Variants in VPS45 observed in about 807,000 individuals in gnomAD.
VPS45 encodes vacuolar protein sorting 45 homolog.
Under a neutral mutation model 75.9 loss-of-function variants are expected in VPS45, and 35 were observed. The ratio of observed to expected loss-of-function variants is 0.46; its 90% CI spans 0.35 to 0.61. VPS45 has a LOEUF of 0.61. Among genes scored for constraint, VPS45 ranks in the 20% least tolerant of loss-of-function variants. VPS45 has a pLI of 0.00. For synonymous variants in VPS45, 220 were observed against 238.2 expected (o/e 0.92, Z 0.70); for missense variants, 559 against 685.9 (o/e 0.81, Z 2.07).
At chr1:150,100,933 G>T (rs1656944104) in intron 13 of VPS45, among the ~76,000 whole-genome samples, 1 of 152,050 alleles carries the variant, frequency 6.6e-6, no homozygotes, top group South Asian at 2.1e-4. Context: ...AAGATTTCAT[G>T]ACAAAAAAAC....
At chr1:150,083,945 A>G (rs1655865759) in intron 10 of VPS45, among the ~76,000 whole-genome samples, 2 of 152,142 alleles carry the variant, frequency 1.3e-5, no homozygotes, top group African/African-American at 4.8e-5. Context: ...AAACTAAAGC[A>G]CAAGAAAAAA....
chr1:150,145,192 C>A lies in VPS45; in HGVS notation c.*396C>A, dbSNP rs1010401499. 6.2e-6 allele frequency: 2 copies of A among 320,338 alleles called. No individual in the cohort carries two copies. The highest frequency in any genetic ancestry group is 4.5e-5 in the Admixed American group (1 of 22,198). 19.8% of individuals were successfully genotyped at this position (320,338 alleles called of 1,614,324 possible). On this transcript the variant is annotated 3_prime_UTR_variant, in exon 15 of 15. Transcript: ENST00000644510. ...CTTTCTGCTTTTCATTAACCACATTCCTGCACAACTCATTTCTGAAAACCT... is the reference window on the plus strand; with the variant it reads ...CTTTCTGCTTTTCATTAACCACATTACTGCACAACTCATTTCTGAAAACCT...
intron 10 of VPS45, among the ~76,000 whole-genome samples, chr1:150,090,537 G>T (rs1379438801): frequency 2.0e-5 from 3 of 151,608 alleles, no homozygotes; most frequent in African/African-American, 7.3e-5. Flanking sequence ...CATGACTATA[G>T]AAAGAAAGAA....
intron 14 of VPS45, among the ~76,000 whole-genome samples, chr1:150,140,182 G>T (rs1398618515): frequency 6.6e-6 from 1 of 152,178 alleles, no homozygotes; most frequent in African/African-American, 2.4e-5. Context: ...GGGATTACAG[G>T]CGTGAGCCAC....
At chr1:150,106,370 GA>G (rs1657324440) in intron 13 of VPS45, among the ~76,000 whole-genome samples, 2 of 151,944 alleles carry the variant, frequency 1.3e-5, no homozygotes, top group South Asian at 2.1e-4. Context: ...ATCCTACAAG[GA>G]ACGCAATAAG....
intron 14 of VPS45, among the ~76,000 whole-genome samples, chr1:150,127,710 A>G (rs991252710): frequency 5.9e-5 from 9 of 152,236 alleles, no homozygotes; most frequent in African/African-American, 2.2e-4. Flanking sequence ...GGAATTGGGC[A>G]CAGTCTGTTT....
At chr1:150,098,466 T>C (rs587681780) in intron 13 of VPS45, among the ~76,000 whole-genome samples, 1 of 152,364 alleles carries the variant, frequency 6.6e-6, no homozygotes, top group South Asian at 2.1e-4. Context: ...ATTTAGATTT[T>C]TGAAGTTCAT....
At chr1:150,079,568 T>C (rs1478447187) in intron 7 of VPS45, among the ~76,000 whole-genome samples, 3 of 152,138 alleles carry the variant, frequency 2.0e-5, no homozygotes, top group Non-Finnish European at 4.4e-5. Context: ...ACCTGGCTAA[T>C]TTTTGTATTA....
intron 3 of VPS45, 57 bp downstream of exon 3, chr1:150,072,283 C>A: frequency 1.6e-6 from 2 of 1,255,494 alleles, no homozygotes; most frequent in Non-Finnish European, 2.3e-6. Context: ...TAGTGTGTTT[C>A]ATTGAGCCCT....
intron 14 of VPS45, among the ~76,000 whole-genome samples, chr1:150,122,692 C>T (rs986956052): frequency 2.6e-5 from 4 of 151,932 alleles, no homozygotes; most frequent in Non-Finnish European, 5.9e-5. Context: ...ACTATTACCA[C>T]AGTCAATTTT....
At position 150,118,283 on chromosome 1, in the gene VPS45, C is replaced by CAA. The variant is rs1255302690; in HGVS notation, c.1625+7672_1625+7673dup. Among the ~76,000 whole-genome samples, 9 of 71,684 alleles carry CAA rather than the reference C, an allele frequency of 1.3e-4. No individual in the cohort carries two copies. The South Asian group carries it at 4.7e-3, about 37-fold the overall frequency. 47.0% of individuals were successfully genotyped at this position (71,684 alleles called of 152,430 possible). On this transcript the variant is annotated intron_variant, in intron 14 of 14. Coordinates refer to ENST00000644510, the MANE Select transcript of VPS45 (RefSeq NM_007259.5). Reference sequence around the variant, plus strand: ...TGGGTGACAGGGCAAGACCCTGTCTCAAAAAAAAAAAAAAAAAGGTACTAT... The same window carrying CAA: ...TGGGTGACAGGGCAAGACCCTGTCTCAAAAAAAAAAAAAAAAAAAGGTACTAT...
Position 150,082,071 on chromosome 1 carries a change from T to C in VPS45, c.936+74T>C. ...ATTCATGTAAGCAACACTTTTGGAATCTTCTGGGTCTAATTTCTACCTTGA... is the reference window on the plus strand; with the variant it reads ...ATTCATGTAAGCAACACTTTTGGAACCTTCTGGGTCTAATTTCTACCTTGA... On this transcript the variant is annotated intron_variant, in intron 9 of 14. Coordinates refer to ENST00000644510, the MANE Select transcript of VPS45 (RefSeq NM_007259.5). 7.8e-6 allele frequency: 7 copies of C among 892,828 alleles called. 1 individual carries two copies. The South Asian group carries it at 9.8e-5, about 13-fold the overall frequency. The allele number at this position is 892,828 out of a possible 1,614,324, so 55.3% of individuals were successfully genotyped here.
chr1:150,084,326 G>A (rs1394391035), intron 10 of VPS45, among the ~76,000 whole-genome samples: 1 of 152,134 alleles, frequency 6.6e-6, no homozygotes, highest in Non-Finnish European at 1.5e-5. Context: ...CAGTATTTTA[G>A]GAAATGTAAC....
At chr1:150,126,893 T>A (rs587737248) in intron 14 of VPS45, among the ~76,000 whole-genome samples, 3 of 152,320 alleles carry the variant, frequency 2.0e-5, no homozygotes, top group African/African-American at 7.2e-5. Flanking sequence ...AACTGACATT[T>A]TCTCCTTCAA....
chr1:150,100,658 G>A (rs1216588137), intron 13 of VPS45, among the ~76,000 whole-genome samples: 1 of 152,126 alleles, frequency 6.6e-6, no homozygotes, highest in Non-Finnish European at 1.5e-5. Context: ...GAACAGAATA[G>A]AGAGCCCAGA....
chr1:150,144,629 G>A (rs1253422760), intron 14 of VPS45, 80 bp from the exon 15 acceptor site: 24 of 1,237,280 alleles, frequency 1.9e-5, no homozygotes, highest in Non-Finnish European at 2.7e-5. Context: ...TTTTCATCTG[G>A]TTAGATGTCC....
At chr1:150,113,665 G>A (rs1419715648) in intron 14 of VPS45, among the ~76,000 whole-genome samples, 1 of 152,220 alleles carries the variant, frequency 6.6e-6, no homozygotes, top group Non-Finnish European at 1.5e-5. Flanking sequence ...GGAGGCCAAG[G>A]TGGGTAGATC....
chr1:150,091,509 CTG>C, intron 10 of VPS45, among the ~76,000 whole-genome samples: 2 of 152,284 alleles, frequency 1.3e-5, no homozygotes, highest in East Asian at 3.9e-4. Flanking sequence ...CAAGCCCAGT[CTG>C]TGTAAAATTC....
chr1:150,107,773 C>T (rs587650818), intron 13 of VPS45, among the ~76,000 whole-genome samples: 4 of 152,234 alleles, frequency 2.6e-5, no homozygotes, highest in African/African-American at 9.6e-5. Context: ...TGGTGGCGCA[C>T]GCCTGTATTC....
Sources: allele counts gnomAD v4.1 joint callset (sites outside exome capture counted in the v4.1 genomes callset), GRCh38; gene constraint gnomAD v4.1.1; transcripts MANE v1.5; gene names NCBI Gene and HGNC (gene_info 2026-07-23, HGNC 2026-07-21).